Variants in ACSM1 observed in about 807,000 individuals in gnomAD.
ACSM1 encodes the protein acyl-coenzyme A synthetase ACSM1, mitochondrial.
In ACSM1, 79 loss-of-function variants were observed where a neutral mutation model predicts 75.8. That is an observed-to-expected ratio of 1.04 (90% CI 0.87 to 1.26). The LOEUF (loss-of-function observed/expected upper bound fraction) is 1.26. Ranked by LOEUF, ACSM1 falls within the 50% of genes most tolerant of loss-of-function variation. ACSM1 has a pLI of 0.00. For synonymous variants in ACSM1, 279 were observed against 265.8 expected, an observed-to-expected ratio of 1.05 and a Z score of -0.48; for missense variants, 676 against 720.1, an observed-to-expected ratio of 0.94 and a Z score of 0.70.
intron 10 of ACSM1, among the ~76,000 whole-genome samples, chr16:20,631,632 A>G (rs2017353621): frequency 6.6e-6 from 1 of 152,200 alleles, no homozygotes; most frequent in Admixed American, 6.5e-5. Flanking sequence ...CCATCAACCA[A>G]TGAGTGGATA....
At chr16:20,684,154 G>GGA (rs2079504881) in intron 3 of ACSM1, among the ~76,000 whole-genome samples, 1 of 152,086 alleles carries the variant, frequency 6.6e-6, no homozygotes, top group African/African-American at 2.4e-5. Context: ...AAGGGGAAGG[G>GGA]AAATCTCTAC....
In ACSM1 at chr16:20,623,718, G is replaced by A. The variant is rs989741996; in HGVS notation, c.1648-146C>T. The A allele has an allele frequency of 3.5e-6, 3 of 855,198 alleles. No individual in the cohort carries two copies. In the African/African-American group the frequency reaches 5.1e-5, roughly 14 times the overall value. The allele number at this position is 855,198 out of a possible 1,614,324, so 53.0% of individuals were successfully genotyped here. A position where few individuals can be genotyped will look rare whatever the true frequency, so the allele number is the denominator to read the frequency against. On this transcript the variant is annotated intron_variant, in intron 13 of 13. Coordinates refer to ENST00000520010, the MANE Select transcript of ACSM1 (RefSeq NM_001318890.3). ...TTAATGGAGTCCCCAAGTATTTCAG[G>A]TTCTCCCCCTGGCCCCTAGAAGGTG...
intron 10 of ACSM1, among the ~76,000 whole-genome samples, chr16:20,627,899 T>TATAC (rs1567242381): frequency 3.5e-5 from 4 of 115,214 alleles, no homozygotes; most frequent in African/African-American, 1.8e-4. Flanking sequence ...TATATATATA[T>TATAC]ATATATATAT....
chr16:20,647,221 T>C (rs1485777470), intron 7 of ACSM1, among the ~76,000 whole-genome samples: 4 of 152,224 alleles, frequency 2.6e-5, no homozygotes, highest in Admixed American at 1.3e-4. Flanking sequence ...GCCCTCAAGA[T>C]GTGCATGACC....
At chr16:20,670,037 G>A (rs1442247123) in intron 5 of ACSM1, 51 bp from the exon 6 acceptor site, 2 of 1,589,006 alleles carry the variant, frequency 1.3e-6, no homozygotes, top group Admixed American at 1.7e-5. Context: ...CTGATGTGAT[G>A]AAGGGCTGTG....
At chr16:20,669,157 T>C (rs1477709274) in intron 6 of ACSM1, among the ~76,000 whole-genome samples, 1 of 152,120 alleles carries the variant, frequency 6.6e-6, no homozygotes, top group Non-Finnish European at 1.5e-5. Context: ...ATTGTCATCA[T>C]GATGTACTCA....
intron 5 of ACSM1, among the ~76,000 whole-genome samples, chr16:20,671,201 C>T (rs548978994): frequency 6.6e-6 from 1 of 152,242 alleles, no homozygotes; most frequent in East Asian, 1.9e-4. Flanking sequence ...GAACCACTGT[C>T]AGGCTTGTCA....
chr16:20,680,704 T>G (rs187212891), intron 4 of ACSM1: 1 of 152,150 alleles, frequency 6.6e-6, no homozygotes, highest in African/African-American at 2.4e-5. Context: ...CAAAACTCTA[T>G]GGAGAAGCAC....
At chr16:20,662,511 G>A (rs765660882) in intron 6 of ACSM1, among the ~76,000 whole-genome samples, 36 of 152,130 alleles carry the variant, frequency 2.4e-4, no homozygotes, top group Admixed American at 3.9e-4. Flanking sequence ...TTTTCTTTCC[G>A]AGTTTCAGAT....
At chr16:20,663,499 T>C (rs2019400533) in intron 6 of ACSM1, among the ~76,000 whole-genome samples, 1 of 152,158 alleles carries the variant, frequency 6.6e-6, no homozygotes, top group African/African-American at 2.4e-5. Flanking sequence ...CGCCGGACTT[T>C]GTAGCCTCCA....
At chr16:20,690,971 T>C in intron 2 of ACSM1, 26 bp downstream of exon 2, 1 of 1,595,906 alleles carries the variant, frequency 6.3e-7, no homozygotes. Flanking sequence ...CTTGTTCTTA[T>C]ATCGCCATCA....
chr16:20,646,836 A>G (rs1311912616), intron 7 of ACSM1, among the ~76,000 whole-genome samples: 1 of 152,230 alleles, frequency 6.6e-6, no homozygotes, highest in Non-Finnish European at 1.5e-5. Flanking sequence ...AACACCTATC[A>G]AACATCAGGA....
rs8046100 is a variant in ACSM1, at chr16:20,648,913, C to T, written c.993-8329G>A. The stretch of plus-strand genomic sequence containing the variant: ...CTCAAGATCTGCTGAGGCTGTGTCA[C>T]AGGCATGTCTTTAACCTTGGCAAAA... On this transcript the variant is annotated intron_variant, in intron 7 of 13. Transcript: ENST00000520010. The surrounding 1 kb of genome is among the most constrained non-coding windows in gnomAD (Gnocchi z 4.2). Among the ~76,000 whole-genome samples the T allele has an allele frequency of 0.052, 7,863 of 152,280 alleles. 663 individuals carry two copies. Among genetic ancestry groups the T allele is most frequent in the African/African-American group, 0.18 (7,462 of 41,542 alleles).
intron 7 of ACSM1, among the ~76,000 whole-genome samples, chr16:20,642,617 C>T (rs1319264701): frequency 6.6e-6 from 1 of 152,238 alleles, no homozygotes; most frequent in African/African-American, 2.4e-5. Flanking sequence ...TTCTACCCAG[C>T]TTATCCCCCG....
chr16:20,663,817 C>A (rs1486621706), intron 6 of ACSM1, among the ~76,000 whole-genome samples: 1 of 152,196 alleles, frequency 6.6e-6, no homozygotes, highest in Non-Finnish European at 1.5e-5. Flanking sequence ...CTAGTTCCCC[C>A]TTCCGTGTAT....
At chr16:20,653,326 C>A (rs576009767) in intron 7 of ACSM1, among the ~76,000 whole-genome samples, 1 of 152,258 alleles carries the variant, frequency 6.6e-6, no homozygotes, top group African/African-American at 2.4e-5. Context: ...TGGAAGCATT[C>A]CCTTTGAAAA....
chr16:20,647,187 AGGAG>A (rs1457434288), intron 7 of ACSM1, among the ~76,000 whole-genome samples: 1 of 152,192 alleles, frequency 6.6e-6, no homozygotes, highest in Non-Finnish European at 1.5e-5. Flanking sequence ...GTGTTTTTGC[AGGAG>A]ATAAATGAAC....
chr16:20,627,072 G>A (rs569643503), intron 11 of ACSM1, 117 bp downstream of exon 11: 109 of 1,333,390 alleles, frequency 8.2e-5, no homozygotes, highest in Admixed American at 7.2e-4. Context: ...CCATAGACAC[G>A]GCTCTATTCA....
intron 7 of ACSM1, among the ~76,000 whole-genome samples, chr16:20,642,004 C>T (rs2018089823): frequency 6.6e-6 from 1 of 152,192 alleles, no homozygotes; most frequent in Non-Finnish European, 1.5e-5. Context: ...AGTTAGTACT[C>T]AGAATTTGTT....
Sources: gnomAD v4.1 joint callset for allele counts (sites outside exome capture counted in the v4.1 genomes callset) on GRCh38, gnomAD v4.1.1 for gene constraint, Gnocchi (gnomAD v3.1) non-coding constraint, MANE v1.5 for transcripts, NCBI Gene and HGNC (gene_info 2026-07-23, HGNC 2026-07-21) for gene names.